Variants in PTPRZ1 observed in about 807,000 individuals in gnomAD.
PTPRZ1 encodes protein tyrosine phosphatase receptor type Z1.
In PTPRZ1, 82 loss-of-function variants were observed where a neutral mutation model predicts 214.1. That is an observed-to-expected ratio of 0.38 (90% confidence interval 0.32 to 0.46). The LOEUF (loss-of-function observed/expected upper bound fraction) is 0.46, where lower values mean the gene tolerates loss of function less well. PTPRZ1 is among the 20% of genes least tolerant of loss of function. The probability of loss-of-function intolerance (pLI) is 1.00; values close to 1 mark genes in which losing one functional copy is unlikely to be tolerated. For synonymous variants in PTPRZ1, 945 were observed against 987.9 expected, an observed-to-expected ratio of 0.96 and a Z score of 0.81; for missense variants, 2,603 against 2,748.7, an observed-to-expected ratio of 0.95 and a Z score of 1.19.
intron 12 of PTPRZ1, among the ~76,000 whole-genome samples, chr7:122,014,510 C>T (rs1182258922): frequency 3.3e-5 from 5 of 152,110 alleles, no homozygotes; most frequent in Non-Finnish European, 5.9e-5. Context: ...GCAATCTCGG[C>T]TTACTACAAG....
intron 15 of PTPRZ1, among the ~76,000 whole-genome samples, chr7:122,032,578 G>A (rs2150470007): frequency 6.6e-6 from 1 of 152,198 alleles, no homozygotes; most frequent in African/African-American, 2.4e-5. Context: ...TGAGCTGTAA[G>A]CCTAATCACA....
chr7:121,987,513 A>C (rs1157265823), intron 8 of PTPRZ1, among the ~76,000 whole-genome samples: 1 of 152,202 alleles, frequency 6.6e-6, no homozygotes, highest in Non-Finnish European at 1.5e-5. Context: ...GGACTAATTT[A>C]TATTCCCACC....
At chr7:121,899,927 A>G (rs537235327) in intron 1 of PTPRZ1, among the ~76,000 whole-genome samples, 4 of 152,332 alleles carry the variant, frequency 2.6e-5, no homozygotes, top group Non-Finnish European at 4.4e-5. Flanking sequence ...CACTGTTTCC[A>G]GTGGCTAAAC....
Position 121,907,224 on chromosome 7 carries a change from A to G in PTPRZ1, c.59-20932A>G, listed in dbSNP as rs536707371. Among the ~76,000 whole-genome samples the G allele has an allele frequency of 3.9e-5, 6 of 152,228 alleles. No individual in the cohort carries two copies. In the East Asian group the frequency reaches 1.2e-3, roughly 29 times the overall value. On this transcript the variant is annotated intron_variant, in intron 1 of 29. Transcript: ENST00000393386. Reference sequence around the variant, plus strand: ...TAATATTATGCTGCTTTTATTAAATATGTAGTGACAAGTCTAGAAAATAAA... The same window carrying G: ...TAATATTATGCTGCTTTTATTAAATGTGTAGTGACAAGTCTAGAAAATAAA...
In PTPRZ1 at chr7:122,061,282, G is replaced by A. The variant is rs566076523; in HGVS notation, c.*62G>A. On this transcript the variant is annotated 3_prime_UTR_variant, in exon 30 of 30. Coordinates refer to ENST00000393386, the MANE Select transcript of PTPRZ1 (RefSeq NM_002851.3). ...GTTTTCCTCTTCCTAAAATTAGGCA[G>A]GAAAATCAGTCTAGTTCTGTTATCT... The A allele has an allele frequency of 2.2e-5, 31 of 1,413,066 alleles. No individual in the cohort carries two copies. The African/African-American group carries it at 4.0e-4, about 18-fold the overall frequency. 87.5% of individuals were successfully genotyped at this position (1,413,066 alleles called of 1,614,324 possible).
chr7:121,876,799 T>C (rs1363550096), intron 1 of PTPRZ1, among the ~76,000 whole-genome samples: 2 of 152,190 alleles, frequency 1.3e-5, no homozygotes, highest in Non-Finnish European at 2.9e-5. Flanking sequence ...ATGAATTCAT[T>C]TCTACTCTCA....
Position 122,013,592 on chromosome 7 carries a change from A to G in PTPRZ1, c.4546A>G (p.Asn1516Asp). The G allele has an allele frequency of 6.2e-7, 1 of 1,614,182 alleles. No homozygotes were observed. Among genetic ancestry groups the G allele is most frequent in the Non-Finnish European group, 8.5e-7 (1 of 1,180,012 alleles). The change falls in exon 12 of 30, where the codon AAT becomes GAT. Residue 1516 changes from asparagine to aspartate, a missense_variant. By Grantham distance (23) the Asn-to-Asp change is conservative. Transcript: ENST00000393386. Reference sequence around the variant, plus strand: ...AGCAAATGGGCTATCCCAAAAGCACAATGATGGAAAAGAGGAAAATGACAT... The same window carrying G: ...AGCAAATGGGCTATCCCAAAAGCACGATGATGGAAAAGAGGAAAATGACAT... Reference protein sequence around the residue: ...PSANGLSQKHNDGKEENDIQT... With the variant: ...PSANGLSQKHDDGKEENDIQT...
In PTPRZ1 at chr7:122,028,609, A is replaced by G. The variant is rs141242236; in HGVS notation, c.5046A>G (p.Ile1682Met). ...YLEDSTSPRV[I>M]STPPTPIFPI... is the part of the protein sequence containing the mutation. ...AGGACAGTACATCCCCTAGAGTTAT[A>G]TCCACACCTCCAACACCTATCTTTC... The change falls in exon 14 of 30, where the codon ATA becomes ATG. Residue 1682 changes from isoleucine to methionine, a missense_variant. This residue lies in a region of PTPRZ1 where 1,913 missense variants were observed against 1,914.3 expected (regional missense o/e 1.00). Coordinates refer to ENST00000393386, the MANE Select transcript of PTPRZ1 (RefSeq NM_002851.3). 2 of 1,545,616 alleles carry G rather than the reference A, an allele frequency of 1.3e-6. No homozygotes were observed. The highest frequency in any genetic ancestry group is 2.2e-5 in the East Asian group (1 of 44,454).
chr7:121,935,711 G>A (rs1796067177), intron 2 of PTPRZ1, among the ~76,000 whole-genome samples: 1 of 152,030 alleles, frequency 6.6e-6, no homozygotes, highest in African/African-American at 2.4e-5. Flanking sequence ...GGGACTACAG[G>A]CGCCCGCCAC....
At chr7:122,002,975 A>G (rs1442442553) in intron 10 of PTPRZ1, among the ~76,000 whole-genome samples, 1 of 152,198 alleles carries the variant, frequency 6.6e-6, no homozygotes, top group African/African-American at 2.4e-5. Context: ...TATATGCATG[A>G]ACTTCTTTAG....
intron 1 of PTPRZ1, among the ~76,000 whole-genome samples, chr7:121,914,646 G>A (rs1305478619): frequency 6.6e-6 from 1 of 152,112 alleles, no homozygotes; most frequent in Non-Finnish European, 1.5e-5. Flanking sequence ...ATCTTATTTT[G>A]TTGAAATATC....
Position 121,969,319 on chromosome 7 carries a change from TG to T in PTPRZ1, c.304+1192del, listed in dbSNP as rs200585599. Among the ~76,000 whole-genome samples the T allele has an allele frequency of 5.3e-5, 8 of 152,230 alleles. No homozygotes were observed. In the East Asian group the frequency reaches 1.5e-3, roughly 29 times the overall value. On this transcript the variant is annotated intron_variant, in intron 3 of 29. Transcript: ENST00000393386. ...GCTCACGCCTGTAATCCCAGCATTTTGGGAGGCCAAGGTGGGTGGATCACCT... is the reference window on the plus strand; with the variant it reads ...GCTCACGCCTGTAATCCCAGCATTTTGGAGGCCAAGGTGGGTGGATCACCT...
At position 122,012,925 on chromosome 7, in the gene PTPRZ1, C is replaced by T; in HGVS notation, c.3879C>T (p.Phe1293=). The change falls in exon 12 of 30, where the codon TTC becomes TTT. Residue 1293 remains phenylalanine (F), a synonymous_variant. Coordinates refer to ENST00000393386, the MANE Select transcript of PTPRZ1 (RefSeq NM_002851.3). ...VPSLYSNDEL[F]QTANLEINQA... is the part of the protein sequence containing the mutation. Reference sequence around the variant, plus strand: ...CTTTGTACAGTAATGATGAGTTGTTCCAAACGGCCAATTTGGAGATTAACC... The same window carrying T: ...CTTTGTACAGTAATGATGAGTTGTTTCAAACGGCCAATTTGGAGATTAACC... 6.2e-7 allele frequency: 1 copy of T among 1,614,068 alleles called. No homozygotes were observed. Among genetic ancestry groups the T allele is most frequent in the Non-Finnish European group, 8.5e-7 (1 of 1,179,968 alleles).
At chr7:122,015,271 T>C (rs1250968762) in intron 12 of PTPRZ1, among the ~76,000 whole-genome samples, 4 of 152,174 alleles carry the variant, frequency 2.6e-5, no homozygotes, top group Non-Finnish European at 4.4e-5. Flanking sequence ...AATGATAGGC[T>C]AATGTAACAA....
intron 1 of PTPRZ1, among the ~76,000 whole-genome samples, chr7:121,889,235 A>G (rs555778220): frequency 1.3e-5 from 2 of 152,266 alleles, no homozygotes; most frequent in South Asian, 2.1e-4. Context: ...TCATAAAACT[A>G]TGTATGGTCT....
At chr7:121,945,067 CA>C (rs1418831057) in intron 2 of PTPRZ1, among the ~76,000 whole-genome samples, 2 of 152,318 alleles carry the variant, frequency 1.3e-5, no homozygotes, top group African/African-American at 4.8e-5. Context: ...ATTACTCTAG[CA>C]GAGGATTTAT....
intron 2 of PTPRZ1, among the ~76,000 whole-genome samples, chr7:121,930,466 A>G (rs901839875): frequency 1.3e-5 from 2 of 152,152 alleles, no homozygotes; most frequent in Non-Finnish European, 2.9e-5. Context: ...GAAAACATGA[A>G]GTTTAATCAA....
chr7:121,976,627 G>C (rs1475948385), intron 5 of PTPRZ1, among the ~76,000 whole-genome samples, 158 bp from the exon 6 acceptor site: 2 of 151,810 alleles, frequency 1.3e-5, no homozygotes, highest in Non-Finnish European at 2.9e-5. Flanking sequence ...GTTTTTGTTT[G>C]CTTTATTTGT....
intron 17 of PTPRZ1, 67 bp from the exon 18 acceptor site, chr7:122,036,533 A>C (rs1258068764): frequency 4.8e-6 from 5 of 1,041,324 alleles, no homozygotes; most frequent in Non-Finnish European, 7.2e-6. Context: ...TATTATGCAA[A>C]TATGAATTAT....
Sources: gnomAD v4.1 joint callset for allele counts (sites outside exome capture counted in the v4.1 genomes callset) on GRCh38, gnomAD v4.1.1 for gene constraint, gnomAD v4.1.1 regional missense constraint, MANE v1.5 for transcripts, NCBI Gene and HGNC (gene_info 2026-07-23, HGNC 2026-07-21) for gene names.